Variants in TMEM114 observed in about 807,000 individuals in gnomAD.
TMEM114 encodes claudin-26.
In TMEM114, 6 loss-of-function variants were observed where a neutral mutation model predicts 6.2. The ratio of observed to expected loss-of-function variants is 0.97; its 90% CI spans 0.53 to 1.91. The LOEUF (loss-of-function observed/expected upper bound fraction) is 1.91. Ranked by LOEUF, TMEM114 falls within the 40% of genes most tolerant of loss-of-function variation. The probability of loss-of-function intolerance (pLI) is 0.01; values close to 1 mark genes in which losing one functional copy is unlikely to be tolerated. For synonymous variants in TMEM114, 104 were observed against 73.0 expected, an observed-to-expected ratio of 1.42 and a Z score of -2.16; for missense variants, 218 against 158.3, an observed-to-expected ratio of 1.38 and a Z score of -2.02.
intron 2 of TMEM114, among the ~76,000 whole-genome samples, chr16:8,581,006 A>G (rs1201833554): frequency 6.6e-6 from 1 of 152,046 alleles, no homozygotes; most frequent in African/African-American, 2.4e-5. Context: ...TCATACTTTA[A>G]CAGATCTGAA....
chr16:8,575,558 G>A lies in TMEM114; in HGVS notation c.302-3334C>T, dbSNP rs115326993. 3.6e-3 allele frequency among the ~76,000 whole-genome samples: 554 copies of A among 152,280 alleles called. 4 individuals carry two copies. The highest frequency in any genetic ancestry group is 0.013 in the African/African-American group (535 of 41,544). On this transcript the variant is annotated intron_variant, in intron 2 of 3. Transcript: ENST00000620492. Reference sequence around the variant, plus strand: ...GTTTATTGTTTCAGTAAACAATGATGCAACACCTGCCACCTATGCTCACCA... The same window carrying A: ...GTTTATTGTTTCAGTAAACAATGATACAACACCTGCCACCTATGCTCACCA...
intron 1 of TMEM114, 113 bp downstream of exon 1, chr16:8,589,506 T>C (rs1902417517): frequency 5.0e-6 from 2 of 398,178 alleles, no homozygotes; most frequent in Non-Finnish European, 8.8e-6. Flanking sequence ...CTAGACATTG[T>C]ATTTTAGGGA....
chr16:8,547,318 G>C (rs979233769), intron 2 of TMEM114, among the ~76,000 whole-genome samples: 5 of 152,064 alleles, frequency 3.3e-5, no homozygotes, highest in African/African-American at 1.2e-4. Context: ...TTTTGTCTCC[G>C]TGGAGGCCCT....
chr16:8,536,736 C>T (rs769568853), downstream of TMEM114, among the ~76,000 whole-genome samples: 1 of 151,898 alleles, frequency 6.6e-6, no homozygotes, highest in Non-Finnish European at 1.5e-5. Flanking sequence ...AGGCATTTAG[C>T]TCAGGAAAAG....
chr16:8,572,535 A>G (rs1901771915), intron 2 of TMEM114, among the ~76,000 whole-genome samples: 1 of 152,192 alleles, frequency 6.6e-6, no homozygotes, highest in African/African-American at 2.4e-5. Flanking sequence ...TCCTGGGCTT[A>G]AGGAAACCTT....
chr16:8,551,557 A>G (rs1428934279), intron 2 of TMEM114, among the ~76,000 whole-genome samples: 4 of 152,248 alleles, frequency 2.6e-5, no homozygotes, highest in Non-Finnish European at 5.9e-5. Context: ...CAAAGCAAAG[A>G]GAGAAAGTCC....
chr16:8,561,446 G>C (rs1244746344), intron 2 of TMEM114, among the ~76,000 whole-genome samples: 1 of 152,066 alleles, frequency 6.6e-6, no homozygotes, highest in African/African-American at 2.4e-5. Context: ...TGTCATACCC[G>C]TGCACTCATA....
downstream of TMEM114, among the ~76,000 whole-genome samples, chr16:8,566,340 G>A (rs548429190): frequency 9.5e-5 from 14 of 147,350 alleles, no homozygotes; most frequent in Admixed American, 9.6e-4. Flanking sequence ...TTGAGCCATT[G>A]CACCCCAGCC....
At chr16:8,574,154 T>G (rs1489563876) in intron 2 of TMEM114, among the ~76,000 whole-genome samples, 1 of 152,168 alleles carries the variant, frequency 6.6e-6, no homozygotes, top group African/African-American at 2.4e-5. Flanking sequence ...TTATTTGCAC[T>G]CTAATTCAGG....
downstream of TMEM114, among the ~76,000 whole-genome samples, chr16:8,536,782 C>G (rs147463244): frequency 1.3e-5 from 2 of 152,262 alleles, no homozygotes; most frequent in Admixed American, 6.5e-5. Context: ...GGAATCACCA[C>G]TGTTCATGGT....
chr16:8,538,087 C>T (rs908319019), intron 2 of TMEM114, among the ~76,000 whole-genome samples: 12 of 125,706 alleles, frequency 9.5e-5, no homozygotes, highest in African/African-American at 3.8e-4. Context: ...TTTCTTGAGC[C>T]CAGGAGTTCG....
intron 2 of TMEM114, among the ~76,000 whole-genome samples, chr16:8,555,248 G>C (rs1181477552): frequency 1.3e-5 from 2 of 152,228 alleles, no homozygotes; most frequent in Admixed American, 6.5e-5. Flanking sequence ...AGCCCAGGAA[G>C]GAATTCAAGA....
At chr16:8,555,880 C>T (rs140257484) in intron 2 of TMEM114, among the ~76,000 whole-genome samples, 62 of 152,292 alleles carry the variant, frequency 4.1e-4, no homozygotes, top group Middle Eastern at 6.8e-3. Flanking sequence ...TCACTAGTAC[C>T]AAGGTTGGGA....
downstream of TMEM114, among the ~76,000 whole-genome samples, chr16:8,533,446 C>T (rs903694109): frequency 7.9e-5 from 12 of 152,026 alleles, no homozygotes; most frequent in African/African-American, 1.7e-4. Context: ...TTGTGAGGGG[C>T]GATGAATGGG....
chr16:8,534,301 C>G (rs1900293914), downstream of TMEM114, among the ~76,000 whole-genome samples: 1 of 150,366 alleles, frequency 6.7e-6, no homozygotes, highest in African/African-American at 2.5e-5. Flanking sequence ...GCGCCAAAGA[C>G]AAACCAGTCC....
At chr16:8,546,834 GTC>G (rs1900682930) in intron 2 of TMEM114, among the ~76,000 whole-genome samples, 1 of 152,190 alleles carries the variant, frequency 6.6e-6, no homozygotes, top group Non-Finnish European at 1.5e-5. Flanking sequence ...TCCTTTGAGT[GTC>G]TGCCAAAACG....
chr16:8,563,843 G>T (rs1901395685), intron 2 of TMEM114, among the ~76,000 whole-genome samples: 1 of 148,976 alleles, frequency 6.7e-6, no homozygotes, highest in African/African-American at 2.5e-5. Flanking sequence ...GTGAGGGAGG[G>T]AGGGAGGGAG....
intron 2 of TMEM114, among the ~76,000 whole-genome samples, chr16:8,584,624 C>CTTA (rs1471679735): frequency 6.6e-6 from 1 of 152,024 alleles, no homozygotes; most frequent in Non-Finnish European, 1.5e-5. Context: ...TTTCATGCTG[C>CTTA]TAATAAAGAC....
the TMEM114 span, among the ~76,000 whole-genome samples, chr16:8,529,440 A>G: frequency 6.6e-6 from 1 of 152,192 alleles, no homozygotes; most frequent in Non-Finnish European, 1.5e-5. Context: ...TAGCAGGGAC[A>G]TTTGTTGAAG....
Sources: gnomAD v4.1 joint callset for allele counts (sites outside exome capture counted in the v4.1 genomes callset) on GRCh38, gnomAD v4.1.1 for gene constraint, MANE v1.5 for transcripts, NCBI Gene and HGNC (gene_info 2026-07-23, HGNC 2026-07-21) for gene names.